COL5A1: variants seen among roughly 807,000 people sequenced by gnomAD.
COL5A1 encodes the protein collagen type V alpha 1 chain.
In COL5A1, 16 loss-of-function variants were observed where a neutral mutation model predicts 263.7. The ratio of observed to expected loss-of-function variants is 0.06; its 90% confidence interval spans 0.04 to 0.09. COL5A1 has a LOEUF of 0.09. Ranked by LOEUF, COL5A1 falls within the 10% of genes least tolerant of loss-of-function variation. COL5A1 has a pLI of 1.00. For synonymous variants in COL5A1, 1,012 were observed against 1,004.5 expected, an observed-to-expected ratio of 1.01 and a Z score of -0.14; for missense variants, 2,036 against 2,540.5, an observed-to-expected ratio of 0.80 and a Z score of 4.27.
chr9:134,799,110 T>C (rs889218337), intron 37 of COL5A1, among the ~76,000 whole-genome samples: 1 of 152,186 alleles, frequency 6.6e-6, no homozygotes, highest in Non-Finnish European at 1.5e-5. Flanking sequence ...ATGGTCTTTG[T>C]AGTCAGAGAC....
chr9:134,699,976 C>T lies in COL5A1; in HGVS notation c.345C>T (p.Phe115=), dbSNP rs779529874. The T allele has an allele frequency of 6.2e-7, 1 of 1,613,950 alleles. No homozygotes were observed. Among genetic ancestry groups the T allele is most frequent in the South Asian group, 1.1e-5 (1 of 91,086 alleles). ...TVKAKKGSQA[F]LVSIYNEQGI... Reference sequence around the variant, plus strand: ...AAGCCAAGAAAGGCAGCCAGGCCTTCCTGGTCTCCATCTACAACGAGCAGG... The same window carrying T: ...AAGCCAAGAAAGGCAGCCAGGCCTTTCTGGTCTCCATCTACAACGAGCAGG... The change falls in exon 3 of 66, where the codon TTC becomes TTT. Residue 115 remains phenylalanine (F), a synonymous_variant. Transcript: ENST00000371817.
intron 18 of COL5A1, among the ~76,000 whole-genome samples, chr9:134,760,676 AC>A (rs199900797): frequency 8.2e-5 from 8 of 97,756 alleles, no homozygotes; most frequent in South Asian, 3.9e-4. Context: ...ACACATGCAC[AC>A]CCCCCACACT....
intron 1 of COL5A1, among the ~76,000 whole-genome samples, chr9:134,654,659 T>G (rs1178950031): frequency 3.7e-4 from 19 of 51,344 alleles, no homozygotes; most frequent in Non-Finnish European, 4.2e-4. Flanking sequence ...GTAGGGCTGG[T>G]GTGTGTAGGG....
intron 2 of COL5A1, among the ~76,000 whole-genome samples, chr9:134,699,178 G>A (rs1039349997): frequency 6.6e-5 from 10 of 152,244 alleles, no homozygotes; most frequent in Non-Finnish European, 1.0e-4. Context: ...ATGAGGGGCA[G>A]ATATGTGGAG....
At chr9:134,655,231 G>A (rs1414208902) in intron 1 of COL5A1, among the ~76,000 whole-genome samples, 3 of 151,792 alleles carry the variant, frequency 2.0e-5, no homozygotes, top group East Asian at 1.9e-4. Context: ...TGGTTTATCC[G>A]AATGCACTGG....
chr9:134,685,408 ATT>A (rs1833012291), intron 1 of COL5A1, among the ~76,000 whole-genome samples: 1 of 73,588 alleles, frequency 1.4e-5, no homozygotes, highest in African/African-American at 5.7e-5. Flanking sequence ...CCATCCATCC[ATT>A]AATTCATCCA....
chr9:134,655,292 G>A (rs886625081), intron 1 of COL5A1, among the ~76,000 whole-genome samples: 1 of 151,908 alleles, frequency 6.6e-6, no homozygotes, highest in Non-Finnish European at 1.5e-5. Flanking sequence ...CATCGATGTG[G>A]GAGGCAGGGT....
At chr9:134,661,136 G>A (rs1275250298) in intron 1 of COL5A1, among the ~76,000 whole-genome samples, 1 of 151,570 alleles carries the variant, frequency 6.6e-6, no homozygotes, top group Non-Finnish European at 1.5e-5. Context: ...GGTGGGAGAG[G>A]AAGCCGAGAG....
At chr9:134,654,874 CT>C (rs1831888451) in intron 1 of COL5A1, among the ~76,000 whole-genome samples, 1 of 102,386 alleles carries the variant, frequency 9.8e-6, no homozygotes, top group Non-Finnish European at 1.9e-5. Flanking sequence ...GTGTCTAGGG[CT>C]GGGGGTGTGT....
In COL5A1 at chr9:134,774,927, C is replaced by T. The variant is rs937874882; in HGVS notation, c.2385+15C>T. The T allele has an allele frequency of 2.5e-6, 4 of 1,612,218 alleles. No individual in the cohort carries two copies. Among genetic ancestry groups the T allele is most frequent in the South Asian group, 1.1e-5 (1 of 90,660 alleles). On this transcript the variant is annotated intron_variant, in intron 27 of 65. Transcript: ENST00000371817. ...GAGGAGTCAAGGTGAGAGAGACTCACGCCACTCCAGGTCGTCCTGGAGGTC... is the reference window on the plus strand; with the variant it reads ...GAGGAGTCAAGGTGAGAGAGACTCATGCCACTCCAGGTCGTCCTGGAGGTC...
At chr9:134,753,759 T>TCCCCCAGCCCCCCCCC in intron 14 of COL5A1, 91 bp from the exon 15 acceptor site, 1 of 540,648 alleles carries the variant, frequency 1.8e-6, no homozygotes, top group Non-Finnish European at 3.7e-6. Flanking sequence ...CCCTGTCCCC[T>TCCCCCAGCCCCCCCCC]CCCCCTGCCC....
intron 1 of COL5A1, among the ~76,000 whole-genome samples, chr9:134,658,741 G>GTGC (rs1832108873): frequency 6.6e-6 from 1 of 152,194 alleles, no homozygotes; most frequent in African/African-American, 2.4e-5. Context: ...CCCTGTGGTT[G>GTGC]TGCGGAGAGC....
Position 134,757,846 on chromosome 9 carries a change from C to T in COL5A1, c.1882-397C>T, listed in dbSNP as rs939324234. On this transcript the variant is annotated intron_variant, in intron 17 of 65. Transcript: ENST00000371817. This position sits in a 1 kb window ranked among gnomAD's most constrained non-coding sequence, Gnocchi z 6.2. ...TACCTCCTGAGCGCGGGCAGCCCCTCGGCACCATGGATACAGCTGTGAGCG... is the reference window on the plus strand; with the variant it reads ...TACCTCCTGAGCGCGGGCAGCCCCTTGGCACCATGGATACAGCTGTGAGCG... Among the ~76,000 whole-genome samples the T allele has an allele frequency of 2.0e-5, 3 of 152,106 alleles. No individual in the cohort carries two copies. The highest frequency in any genetic ancestry group is 2.9e-5 in the Non-Finnish European group (2 of 68,020).
chr9:134,707,587 G>T (rs137949540), intron 4 of COL5A1, among the ~76,000 whole-genome samples: 1 of 151,914 alleles, frequency 6.6e-6, no homozygotes, highest in Non-Finnish European at 1.5e-5. Flanking sequence ...GAGTGGGAAC[G>T]TCCCCCAGGG....
intron 11 of COL5A1, among the ~76,000 whole-genome samples, chr9:134,739,030 G>A (rs1187778551): frequency 6.6e-6 from 1 of 152,240 alleles, no homozygotes; most frequent in African/African-American, 2.4e-5. Context: ...GGCCCAGGGA[G>A]CCTGCCAGTG....
intron 43 of COL5A1, among the ~76,000 whole-genome samples, chr9:134,809,767 A>G (rs144436981): frequency 1.2e-3 from 188 of 152,338 alleles, no homozygotes; most frequent in Middle Eastern, 0.01. Flanking sequence ...CATTTAACGC[A>G]GACAGTGAAA....
intron 4 of COL5A1, among the ~76,000 whole-genome samples, chr9:134,711,403 A>G (rs950953048): frequency 1.1e-4 from 16 of 152,106 alleles, no homozygotes; most frequent in Non-Finnish European, 1.5e-5. Context: ...CCCAGAGCAC[A>G]TGGAAAATCT....
chr9:134,724,307 T>C (rs555358500), intron 4 of COL5A1, among the ~76,000 whole-genome samples: 2 of 152,346 alleles, frequency 1.3e-5, no homozygotes, highest in African/African-American at 4.8e-5. Flanking sequence ...AGGTCAATGC[T>C]GCCGTTTTAT....
At position 134,765,060 on chromosome 9, in the gene COL5A1, C is replaced by A. The variant is rs768552777; in HGVS notation, c.2035-621C>A. On this transcript the variant is annotated intron_variant, in intron 20 of 65. Coordinates refer to ENST00000371817, the MANE Select transcript of COL5A1 (RefSeq NM_000093.5). This position sits in a 1 kb window ranked among gnomAD's most constrained non-coding sequence, Gnocchi z 5.1. The stretch of plus-strand genomic sequence containing the variant: ...TTCTCCCGGAATCTCACTCCACCTG[C>A]GGTAAAGGGGAGGTTCTGCACGAGC... 6.6e-6 allele frequency among the ~76,000 whole-genome samples: 1 copy of A among 151,990 alleles called. No homozygotes were observed. Among genetic ancestry groups the A allele is most frequent in the African/African-American group, 2.4e-5 (1 of 41,360 alleles).
Sources: allele counts gnomAD v4.1 joint callset (sites outside exome capture counted in the v4.1 genomes callset), GRCh38; gene constraint gnomAD v4.1.1; non-coding constraint Gnocchi (gnomAD v3.1); transcripts MANE v1.5; gene names NCBI Gene and HGNC (gene_info 2026-07-23, HGNC 2026-07-21).